MYO1E: variants seen among roughly 807,000 people sequenced by gnomAD.
MYO1E encodes the protein myosin IE, also known as unconventional myosin-Ie.
MYO1E carries 68 observed loss-of-function variants against 151.1 expected under a neutral mutation model. The observed-to-expected ratio is 0.45, with a 90% confidence interval of 0.37 to 0.55. The LOEUF is 0.55. Among genes scored for constraint, MYO1E ranks in the 20% least tolerant of loss-of-function variants. The probability of loss-of-function intolerance (pLI) is 0.00; values close to 1 mark genes in which losing one functional copy is unlikely to be tolerated. For missense variants in MYO1E, 1,363 were observed against 1,389.3 expected, an observed-to-expected ratio of 0.98 and a Z score of 0.30; for synonymous variants, 601 against 501.7, an observed-to-expected ratio of 1.20 and a Z score of -2.64.
intron 5 of MYO1E, among the ~76,000 whole-genome samples, chr15:59,235,437 G>A (rs1391443470): frequency 6.6e-6 from 1 of 151,986 alleles, no homozygotes; most frequent in African/African-American, 2.4e-5. Flanking sequence ...TACAAACAAT[G>A]TTCTGAACCT....
intron 1 of MYO1E, among the ~76,000 whole-genome samples, chr15:59,340,269 C>T (rs2080757225): frequency 6.6e-6 from 1 of 152,082 alleles, no homozygotes; most frequent in South Asian, 2.1e-4. Flanking sequence ...ATGATCGTGC[C>T]ACTGAACTCC....
rs1366978780 is a variant in MYO1E at position 59,335,996 on chromosome 15, T to C, written c.3+36502A>G. On this transcript the variant is annotated intron_variant, in intron 1 of 27. Transcript: ENST00000288235. ...AACAAGTCCTGCAGCAACTCAAGTG[T>C]GCTACCCCCTCTCCCACTACACCCA... is the stretch of plus-strand genomic sequence containing the variant. Among the ~76,000 whole-genome samples, 4 of 150,382 alleles carry C rather than the reference T, an allele frequency of 2.7e-5. No homozygotes were observed. The East Asian group carries it at 5.8e-4, about 22-fold the overall frequency.
intron 22 of MYO1E, among the ~76,000 whole-genome samples, chr15:59,165,331 A>G (rs962890590): frequency 6.6e-6 from 1 of 152,200 alleles, no homozygotes; most frequent in Non-Finnish European, 1.5e-5. Flanking sequence ...TGGTCCTTTC[A>G]TGGCCAGCTT....
chr15:59,316,804 T>C (rs1462173510), intron 1 of MYO1E, among the ~76,000 whole-genome samples: 4 of 152,208 alleles, frequency 2.6e-5, no homozygotes, highest in African/African-American at 9.7e-5. Context: ...ACACTGTGCT[T>C]TGTAAGGAAG....
At chr15:59,259,712 C>A (rs1254415672) in intron 3 of MYO1E, among the ~76,000 whole-genome samples, 1 of 152,228 alleles carries the variant, frequency 6.6e-6, no homozygotes, top group Non-Finnish European at 1.5e-5. Flanking sequence ...AACTGTCATA[C>A]TTGACCTTTG....
At chr15:59,278,042 T>C (rs1159585540) in intron 1 of MYO1E, among the ~76,000 whole-genome samples, 2 of 152,214 alleles carry the variant, frequency 1.3e-5, no homozygotes, top group African/African-American at 4.8e-5. Context: ...ATCAATATAA[T>C]TGAGCATTTT....
chr15:59,286,068 C>A (rs1294841467), intron 1 of MYO1E, among the ~76,000 whole-genome samples: 1 of 152,222 alleles, frequency 6.6e-6, no homozygotes, highest in Non-Finnish European at 1.5e-5. Flanking sequence ...TGAACAATTT[C>A]TTGTGACATA....
At chr15:59,191,332 C>CACAG (rs1555409883) in intron 17 of MYO1E, among the ~76,000 whole-genome samples, 2 of 105,660 alleles carry the variant, frequency 1.9e-5, no homozygotes, top group African/African-American at 6.9e-5. Context: ...CAGACAGAGA[C>CACAG]AGAGAGAGAG....
intron 19 of MYO1E, among the ~76,000 whole-genome samples, chr15:59,178,004 G>T (rs1020992310): frequency 5.3e-5 from 8 of 152,198 alleles, no homozygotes; most frequent in Non-Finnish European, 1.2e-4. Context: ...CTTTAGCTTA[G>T]ACACTCTTAG....
At position 59,174,182 on chromosome 15, in the gene MYO1E, T is replaced by C. The variant is rs1474333883; in HGVS notation, c.2108A>G (p.Gln703Arg). Residue 703 changes from glutamine (Q) to arginine (R), a missense_variant, in exon 20 of 28, where the codon CAG (glutamine) becomes CGG (arginine). Physicochemically the swap from Gln to Arg is conservative, Grantham distance 43. Coordinates refer to ENST00000288235, the MANE Select transcript of MYO1E (RefSeq NM_004998.4). ...RKYDGYARVIQKSWRKFVARK... is the reference protein window; with the variant it reads ...RKYDGYARVIRKSWRKFVARK... ...GGCCACGAATTTCCTCCATGATTTC[T>C]GTATCACTCGAGCATACCCATCATA... is the stretch of plus-strand genomic sequence containing the variant. 6.2e-7 allele frequency: 1 copy of C among 1,614,040 alleles called. No individual in the cohort carries two copies. The highest frequency in any genetic ancestry group is 2.2e-5 in the East Asian group (1 of 44,898).
At chr15:59,246,379 C>A (rs2080130143) in intron 4 of MYO1E, among the ~76,000 whole-genome samples, 1 of 152,308 alleles carries the variant, frequency 6.6e-6, no homozygotes, top group East Asian at 1.9e-4. Flanking sequence ...GCTGGGATTA[C>A]AGGCGTGAGC....
At chr15:59,267,129 A>G (rs1332912562) in intron 2 of MYO1E, among the ~76,000 whole-genome samples, 3 of 141,494 alleles carry the variant, frequency 2.1e-5, no homozygotes, top group Admixed American at 7.2e-5. Context: ...GGGTTCAAGC[A>G]ATTCTCCTGC....
At chr15:59,315,773 C>A (rs572675559) in intron 1 of MYO1E, among the ~76,000 whole-genome samples, 90 of 152,134 alleles carry the variant, frequency 5.9e-4, no homozygotes, top group African/African-American at 2.0e-3. Context: ...GAAATAATGC[C>A]CCAATGCTGC....
intron 26 of MYO1E, among the ~76,000 whole-genome samples, chr15:59,147,942 G>A (rs11574499): frequency 0.027 from 4,140 of 152,264 alleles, 77 homozygotes; most frequent in Non-Finnish European, 0.041. Flanking sequence ...AGAGATTTGA[G>A]TTCTTGAGAA....
At chr15:59,272,055 C>G (rs1369181789) in intron 2 of MYO1E, among the ~76,000 whole-genome samples, 1 of 152,234 alleles carries the variant, frequency 6.6e-6, no homozygotes, top group Non-Finnish European at 1.5e-5. Flanking sequence ...TGTGAGCACA[C>G]AGCATCTGTT....
chr15:59,343,128 T>C (rs563453511), intron 1 of MYO1E, among the ~76,000 whole-genome samples: 4 of 152,366 alleles, frequency 2.6e-5, no homozygotes, highest in Admixed American at 2.0e-4. Flanking sequence ...TGATTTCTCA[T>C]TGCTTGTTAA....
intron 1 of MYO1E, among the ~76,000 whole-genome samples, chr15:59,342,107 T>C (rs1413556196): frequency 1.3e-5 from 2 of 152,246 alleles, no homozygotes; most frequent in Non-Finnish European, 2.9e-5. Flanking sequence ...GTAGTTTTCA[T>C]TGGCATGTCT....
At chr15:59,334,619 G>GA (rs1457444081) in intron 1 of MYO1E, among the ~76,000 whole-genome samples, 2 of 152,174 alleles carry the variant, frequency 1.3e-5, no homozygotes, top group African/African-American at 4.8e-5. Context: ...CAGGACCAAA[G>GA]TAGAATCAGA....
At chr15:59,309,870 T>C (rs1464015235) in intron 1 of MYO1E, among the ~76,000 whole-genome samples, 1 of 152,174 alleles carries the variant, frequency 6.6e-6, no homozygotes, top group Non-Finnish European at 1.5e-5. Context: ...TGATAGGGAT[T>C]ATATACCCCA....
Sources: allele counts gnomAD v4.1 joint callset (sites outside exome capture counted in the v4.1 genomes callset), GRCh38; gene constraint gnomAD v4.1.1; transcripts MANE v1.5; gene names NCBI Gene and HGNC (gene_info 2026-07-23, HGNC 2026-07-21).